Variants in ENO4 observed in about 807,000 individuals in gnomAD.
ENO4 encodes enolase 4, also known as 2-phospho-D-glycerate hydro-lyase.
Under a neutral mutation model 63.2 loss-of-function variants are expected in ENO4, and 53 were observed. The ratio of observed to expected loss-of-function variants is 0.84; its 90% CI spans 0.67 to 1.05. The LOEUF is 1.05. Ranked by LOEUF, ENO4 falls within the 50% of genes least tolerant of loss-of-function variation. ENO4 has a pLI of 0.00. For missense variants in ENO4, 719 were observed against 772.0 expected (o/e 0.93, Z 0.81); for synonymous variants, 266 against 283.8 (o/e 0.94, Z 0.63).
intron 10 of ENO4, chr10:116,900,605 T>C: frequency 8.5e-6 from 13 of 1,529,774 alleles, no homozygotes; most frequent in East Asian, 2.5e-5. Flanking sequence ...AGAAACTAAC[T>C]TGTCTCAGCC....
intron 4 of ENO4, among the ~76,000 whole-genome samples, chr10:116,859,675 C>T (rs187532408): frequency 1.9e-4 from 29 of 152,310 alleles, no homozygotes; most frequent in Middle Eastern, 3.4e-3. Context: ...TGGAGCTGCT[C>T]TTGGTATAAT....
At chr10:116,899,659 C>A (rs1564865213) in intron 10 of ENO4, among the ~76,000 whole-genome samples, 1 of 152,108 alleles carries the variant, frequency 6.6e-6, no homozygotes, top group African/African-American at 2.4e-5. Context: ...GCGCCACTCA[C>A]GTGAAACACT....
At chr10:116,910,262 T>C (rs1848137728) in intron 10 of ENO4, among the ~76,000 whole-genome samples, 1 of 152,070 alleles carries the variant, frequency 6.6e-6, no homozygotes. Flanking sequence ...AAAAACTTAA[T>C]GTAAAGAAGT....
chr10:116,905,118 GT>G (rs1482989913), intron 10 of ENO4, among the ~76,000 whole-genome samples: 2 of 150,200 alleles, frequency 1.3e-5, no homozygotes, highest in East Asian at 2.0e-4. Context: ...GGAGAATGGC[GT>G]TGAACCCGGG....
At chr10:116,849,774 C>T (rs578055420) in intron 1 of ENO4, 43 bp downstream of exon 1, 3 of 1,465,974 alleles carry the variant, frequency 2.0e-6, no homozygotes, top group Non-Finnish European at 2.7e-6. Flanking sequence ...CAACCCCTCT[C>T]CCCCCGCCCC....
intron 6 of ENO4, among the ~76,000 whole-genome samples, chr10:116,862,228 C>A (rs1368138019): frequency 6.6e-6 from 1 of 151,958 alleles, no homozygotes; most frequent in East Asian, 1.9e-4. Flanking sequence ...CTTTGGGAGG[C>A]CAAGATGGGA....
intron 9 of ENO4, among the ~76,000 whole-genome samples, chr10:116,873,060 T>C (rs527738173): frequency 6.6e-6 from 1 of 152,346 alleles, no homozygotes; most frequent in Admixed American, 6.5e-5. Flanking sequence ...AGAATGGGTA[T>C]TTATTGCTTA....
chr10:116,894,438 G>A (rs943486303), intron 10 of ENO4, among the ~76,000 whole-genome samples: 1 of 152,168 alleles, frequency 6.6e-6, no homozygotes, highest in Non-Finnish European at 1.5e-5. Flanking sequence ...AGTTAAAAAG[G>A]AAATTGAAAA....
At chr10:116,884,300 G>A (rs1233263962), downstream of ENO4, 1 of 456,346 alleles carries the variant, frequency 2.2e-6, no homozygotes, top group Admixed American at 2.3e-5. Context: ...CAAAACCAAA[G>A]TGAAAAGGGA....
At chr10:116,911,957 T>C (rs1005622676), downstream of ENO4, 5 of 739,704 alleles carry the variant, frequency 6.8e-6, no homozygotes, top group Non-Finnish European at 1.2e-5. Context: ...TGTATGACTA[T>C]ATATATTTTT....
downstream of ENO4, chr10:116,886,532 T>G: frequency 6.2e-7 from 1 of 1,614,188 alleles, no homozygotes; most frequent in Non-Finnish European, 8.5e-7. Flanking sequence ...TCACCGTCAA[T>G]GTATTTTTTC....
At chr10:116,881,119 C>T (rs1336244709) in intron 13 of ENO4, among the ~76,000 whole-genome samples, 1 of 152,166 alleles carries the variant, frequency 6.6e-6, no homozygotes, top group Non-Finnish European at 1.5e-5. Flanking sequence ...TCAATACTTA[C>T]ATGTAAGGAC....
At chr10:116,874,011 T>C in intron 9 of ENO4, 65 bp from the exon 10 acceptor site, 2 of 1,457,284 alleles carry the variant, frequency 1.4e-6, no homozygotes, top group South Asian at 1.4e-5. Flanking sequence ...ATCTGAACCG[T>C]ATCTTTGGGA....
chr10:116,885,243 T>C (rs1174626991), downstream of ENO4: 2 of 152,662 alleles, frequency 1.3e-5, no homozygotes, highest in Non-Finnish European at 1.5e-5. Context: ...CTTTCTTTAA[T>C]AGTAAAATTA....
exon 11 of ENO4, chr10:116,911,771 A>G: frequency 6.2e-7 from 1 of 1,603,740 alleles, no homozygotes; most frequent in Non-Finnish European, 8.5e-7. Context: ...CTAAACAATA[A>G]ACTGAAATCT....
At chr10:116,872,431 A>G (rs774537894) in intron 9 of ENO4, among the ~76,000 whole-genome samples, 7 of 151,968 alleles carry the variant, frequency 4.6e-5, no homozygotes, top group Non-Finnish European at 1.0e-4. Context: ...GGTCTTTCCC[A>G]TGCTATTCTC....
intron 2 of ENO4, 98 bp from the exon 3 acceptor site, chr10:116,856,394 G>T: frequency 1.1e-6 from 1 of 914,308 alleles, no homozygotes; most frequent in Non-Finnish European, 1.6e-6. Context: ...CCTTGAAATT[G>T]GTGGTAAAAT....
intron 3 of ENO4, among the ~76,000 whole-genome samples, chr10:116,857,069 C>T (rs2133249798): frequency 6.6e-6 from 1 of 151,948 alleles, no homozygotes; most frequent in South Asian, 2.1e-4. Flanking sequence ...ATGGGTCTGT[C>T]AAATCTATAG....
At chr10:116,862,345 T>A (rs1311566706) in intron 6 of ENO4, among the ~76,000 whole-genome samples, 1 of 152,102 alleles carries the variant, frequency 6.6e-6, no homozygotes, top group Non-Finnish European at 1.5e-5. Flanking sequence ...ATGCCTGTCA[T>A]CCCAGCTACT....
Sources: gnomAD v4.1 joint callset for allele counts (sites outside exome capture counted in the v4.1 genomes callset) on GRCh38, gnomAD v4.1.1 for gene constraint, MANE v1.5 for transcripts, NCBI Gene and HGNC (gene_info 2026-07-23, HGNC 2026-07-21) for gene names.